Variants in PDE5A observed in about 807,000 individuals in gnomAD.
PDE5A encodes the protein cGMP-specific 3',5'-cyclic phosphodiesterase.
PDE5A carries 67 observed loss-of-function variants against 110.2 expected under a neutral mutation model. The observed-to-expected ratio is 0.61, with a 90% CI of 0.50 to 0.75. The LOEUF (loss-of-function observed/expected upper bound fraction) is 0.75, where lower values mean the gene tolerates loss of function less well. PDE5A is among the 30% of genes least tolerant of loss of function. The pLI, the probability that PDE5A is intolerant of heterozygous loss-of-function variation, is 0.00. For missense variants in PDE5A, 862 were observed against 1,045.1 expected (o/e 0.82, Z 2.42); for synonymous variants, 328 against 351.2 (o/e 0.93, Z 0.74).
At chr4:119,511,340 T>C (rs1725736568) in intron 14 of PDE5A, among the ~76,000 whole-genome samples, 1 of 152,042 alleles carries the variant, frequency 6.6e-6, no homozygotes, top group South Asian at 2.1e-4. Flanking sequence ...AATACCAATG[T>C]GACCATTGCC....
intron 6 of PDE5A, among the ~76,000 whole-genome samples, chr4:119,562,027 A>G (rs1237301866): frequency 6.6e-6 from 1 of 152,242 alleles, no homozygotes; most frequent in Non-Finnish European, 1.5e-5. Flanking sequence ...CTATTAATCC[A>G]CAAATGAACA....
chr4:119,578,268 T>C (rs1181750999), intron 3 of PDE5A, among the ~76,000 whole-genome samples: 2 of 152,110 alleles, frequency 1.3e-5, no homozygotes, highest in Non-Finnish European at 1.5e-5. Flanking sequence ...CTGCCCAAGG[T>C]AATTTACAGA....
intron 1 of PDE5A, among the ~76,000 whole-genome samples, chr4:119,623,467 G>C (rs1730233636): frequency 6.6e-6 from 1 of 152,092 alleles, no homozygotes; most frequent in Admixed American, 6.5e-5. Context: ...GCTTGACACA[G>C]CAATTATAGG....
chr4:119,590,296 C>T (rs1489712556), intron 3 of PDE5A, among the ~76,000 whole-genome samples: 2 of 152,184 alleles, frequency 1.3e-5, no homozygotes, highest in Non-Finnish European at 2.9e-5. Context: ...CACATGTTTA[C>T]TGTCTCCTAC....
At chr4:119,517,288 G>A (rs1487967058) in intron 14 of PDE5A, among the ~76,000 whole-genome samples, 1 of 152,014 alleles carries the variant, frequency 6.6e-6, no homozygotes, top group Non-Finnish European at 1.5e-5. Flanking sequence ...GCTGGACACA[G>A]TATACCTTTT....
chr4:119,613,566 C>G (rs989995612), intron 1 of PDE5A, among the ~76,000 whole-genome samples: 2 of 152,018 alleles, frequency 1.3e-5, no homozygotes, highest in Non-Finnish European at 2.9e-5. Context: ...GGTAAATGTA[C>G]ACAAATAAGT....
At chr4:119,531,910 A>G (rs1578749517) in intron 11 of PDE5A, among the ~76,000 whole-genome samples, 1 of 152,224 alleles carries the variant, frequency 6.6e-6, no homozygotes, top group African/African-American at 2.4e-5. Context: ...CTAGTACCCA[A>G]TGCTCTCCAT....
chr4:119,593,384 TA>T (rs1257651271), intron 3 of PDE5A, among the ~76,000 whole-genome samples: 2 of 152,236 alleles, frequency 1.3e-5, no homozygotes, highest in African/African-American at 4.8e-5. Context: ...TACCATGGAA[TA>T]AATCACTCAG....
intron 12 of PDE5A, among the ~76,000 whole-genome samples, chr4:119,521,313 T>C (rs1302621336): frequency 6.6e-6 from 1 of 151,642 alleles, no homozygotes. Context: ...ATTAAATTGA[T>C]ATAAAACACA....
In PDE5A at chr4:119,627,902, T is replaced by G; in HGVS notation, c.152+618A>C. Reference sequence around the variant, plus strand: ...GCAAACCCCTCTGCAGAGCTCTACTTTTGGCGGCACAGCCTTCGGCGGAAA... The same window carrying G: ...GCAAACCCCTCTGCAGAGCTCTACTGTTGGCGGCACAGCCTTCGGCGGAAA... On this transcript the variant is annotated intron_variant, in intron 1 of 20. Transcript: ENST00000354960. This position sits in a 1 kb window ranked among gnomAD's most constrained non-coding sequence, Gnocchi z 4.6. 1 of 309,344 alleles carries G rather than the reference T, an allele frequency of 3.2e-6. No individual in the cohort carries two copies. The highest frequency in any genetic ancestry group is 4.7e-6 in the Non-Finnish European group (1 of 211,678). The allele number at this position is 309,344 out of a possible 1,614,324, so 19.2% of individuals were successfully genotyped here. A position where few individuals can be genotyped will look rare whatever the true frequency, so the allele number is the denominator to read the frequency against.
At chr4:119,523,878 TTATA>T (rs1434907835) in intron 12 of PDE5A, among the ~76,000 whole-genome samples, 1 of 151,984 alleles carries the variant, frequency 6.6e-6, no homozygotes, top group African/African-American at 2.4e-5. Context: ...CTATATAGGT[TTATA>T]AAGTCCTGTA....
Position 119,498,365 on chromosome 4 carries a change from A to C in PDE5A, c.*236T>G. 2.2e-6 allele frequency: 1 copy of C among 459,882 alleles called. No homozygotes were observed. The highest frequency in any genetic ancestry group is 1.9e-5 in the African/African-American group (1 of 52,072). The allele number at this position is 459,882 out of a possible 1,614,324, so 28.5% of individuals were successfully genotyped here. A position where few individuals can be genotyped will look rare whatever the true frequency, so the allele number is the denominator to read the frequency against. On this transcript the variant is annotated 3_prime_UTR_variant, in exon 21 of 21. Transcript: ENST00000354960. ...CAAACAATGCTTTTATCAATGTGCTAACAGTGGATGTTGTTGATCCTTTCA... is the reference window on the plus strand; with the variant it reads ...CAAACAATGCTTTTATCAATGTGCTCACAGTGGATGTTGTTGATCCTTTCA...
intron 3 of PDE5A, among the ~76,000 whole-genome samples, chr4:119,576,574 C>T (rs1325051879): frequency 6.6e-6 from 1 of 152,208 alleles, no homozygotes; most frequent in Non-Finnish European, 1.5e-5. Flanking sequence ...GAACAATCGG[C>T]TCCTGAATGA....
rs202121251 is a variant in PDE5A at position 119,525,639 on chromosome 4, G to C, written c.1689C>G (p.Asp563Glu). ...CTGTTTCCAGATCAGACAGCTCAAA[G>C]TCACTGAAGCTAAAGTCAGTAATTT... is the stretch of plus-strand genomic sequence containing the variant. ...TLKITDFSFS[D>E]FELSDLETAL... The change falls in exon 12 of 21, where the codon GAC becomes GAG. Residue 563 changes from aspartate (D) to glutamate (E), a missense_variant. Asp to Glu is a conservative substitution (Grantham distance 45). Transcript: ENST00000354960. This position sits in a 1 kb window ranked among gnomAD's most constrained non-coding sequence, Gnocchi z 4.3. 1.2e-6 allele frequency: 2 copies of C among 1,613,094 alleles called. No homozygotes were observed. Among genetic ancestry groups the C allele is most frequent in the Non-Finnish European group, 1.7e-6 (2 of 1,179,432 alleles).
At chr4:119,523,696 A>G (rs1003371301) in intron 12 of PDE5A, among the ~76,000 whole-genome samples, 2 of 152,068 alleles carry the variant, frequency 1.3e-5, no homozygotes, top group African/African-American at 4.8e-5. Context: ...GATTATCTTC[A>G]TTACCTAACC....
chr4:119,497,601 A>G lies in PDE5A; in HGVS notation c.*1000T>C, dbSNP rs1225455052. 6 of 152,126 alleles carry G rather than the reference A, an allele frequency of 3.9e-5. No homozygotes were observed. In the East Asian group the frequency reaches 5.8e-4, roughly 15 times the overall value. The allele number at this position is 152,126 out of a possible 1,614,324, so 9.4% of individuals were successfully genotyped here. A position where few individuals can be genotyped will look rare whatever the true frequency, so the allele number is the denominator to read the frequency against. On this transcript the variant is annotated 3_prime_UTR_variant, in exon 21 of 21. Coordinates refer to ENST00000354960, the MANE Select transcript of PDE5A (RefSeq NM_001083.4). ...CCTCAAATTCATTTTTGACCCTAGT[A>G]TTGGCAATAGCCCTTTGCTATTTAT...
intron 1 of PDE5A, among the ~76,000 whole-genome samples, chr4:119,614,928 T>C (rs1432341509): frequency 2.6e-5 from 4 of 152,194 alleles, no homozygotes; most frequent in Non-Finnish European, 4.4e-5. Context: ...GCACCAGTTC[T>C]GGCCTTTTAT....
intron 3 of PDE5A, among the ~76,000 whole-genome samples, chr4:119,572,047 T>A (rs1441464736): frequency 1.3e-5 from 2 of 152,228 alleles, no homozygotes; most frequent in African/African-American, 4.8e-5. Context: ...CGCAATGTCC[T>A]GTGTTCACAT....
At chr4:119,553,894 G>T in intron 7 of PDE5A, 148 bp from the exon 8 acceptor site, 3 of 565,698 alleles carry the variant, frequency 5.3e-6, no homozygotes, top group Non-Finnish European at 9.3e-6. Context: ...AAATGTGTTT[G>T]ATGATTTACA....
Sources: gnomAD v4.1 joint callset for allele counts (sites outside exome capture counted in the v4.1 genomes callset) on GRCh38, gnomAD v4.1.1 for gene constraint, Gnocchi (gnomAD v3.1) non-coding constraint, MANE v1.5 for transcripts, NCBI Gene and HGNC (gene_info 2026-07-23, HGNC 2026-07-21) for gene names.